CADM2: variants seen among roughly 807,000 people sequenced by gnomAD.
CADM2 encodes immunoglobulin superfamily member 4D.
Under a neutral mutation model 49.8 loss-of-function variants are expected in CADM2, and 12 were observed. That is an observed-to-expected ratio of 0.24 (90% CI 0.15 to 0.39). The LOEUF is 0.39. CADM2 is among the 10% of genes least tolerant of loss of function. The pLI is 1.00. For synonymous variants in CADM2, 214 were observed against 175.4 expected, an observed-to-expected ratio of 1.22 and a Z score of -1.74; for missense variants, 378 against 492.3, an observed-to-expected ratio of 0.77 and a Z score of 2.20.
chr3:85,237,324 A>G (rs2042430315), intron 1 of CADM2, among the ~76,000 whole-genome samples: 1 of 151,852 alleles, frequency 6.6e-6, no homozygotes, highest in South Asian at 2.1e-4. Flanking sequence ...TATTCAGATA[A>G]TATGCTGTTT....
intron 1 of CADM2, among the ~76,000 whole-genome samples, chr3:85,244,753 T>C (rs938663222): frequency 3.9e-5 from 6 of 152,168 alleles, no homozygotes; most frequent in Admixed American, 2.0e-4. Flanking sequence ...TATTTTTCTG[T>C]TGAATAAGTC....
chr3:85,844,701 A>G (rs750118535), intron 3 of CADM2, among the ~76,000 whole-genome samples: 1 of 152,196 alleles, frequency 6.6e-6, no homozygotes, highest in Non-Finnish European at 1.5e-5. Flanking sequence ...TAGTCTCCTA[A>G]TAATTCTTGA....
chr3:85,312,787 T>C (rs1485610148), intron 1 of CADM2, among the ~76,000 whole-genome samples: 6 of 152,190 alleles, frequency 3.9e-5, no homozygotes, highest in African/African-American at 1.4e-4. Flanking sequence ...ATAAAATGAA[T>C]TTTAAGAGTG....
intron 1 of CADM2, among the ~76,000 whole-genome samples, chr3:85,715,942 T>A (rs999230144): frequency 6.6e-6 from 1 of 152,228 alleles, no homozygotes; most frequent in Non-Finnish European, 1.5e-5. Flanking sequence ...TCTTTGCTAT[T>A]GTGAATAGTG....
rs372141107 is a variant in CADM2 at position 85,232,538 on chromosome 3, A to C, written c.61+272870A>C. On this transcript the variant is annotated intron_variant, in intron 1 of 9. Coordinates refer to ENST00000383699, the MANE Select transcript of CADM2 (RefSeq NM_001167675.2). ...CTATATCACAGTGGACTTGTATGAG[A>C]GTATGAAATATAAAAAGAACACTTC... is the stretch of plus-strand genomic sequence containing the variant. Among the ~76,000 whole-genome samples the C allele has an allele frequency of 1.8e-3, 276 of 152,300 alleles. 2 individuals are homozygous for C. The highest frequency in any genetic ancestry group is 6.4e-3 in the African/African-American group (265 of 41,570).
At chr3:85,168,051 CTTAT>C (rs955826988) in intron 1 of CADM2, among the ~76,000 whole-genome samples, 2 of 152,042 alleles carry the variant, frequency 1.3e-5, no homozygotes, top group East Asian at 3.9e-4. Flanking sequence ...TAACCATAAA[CTTAT>C]TTATTTATTT....
At chr3:85,909,419 T>A (rs1329103741) in intron 5 of CADM2, among the ~76,000 whole-genome samples, 1 of 150,480 alleles carries the variant, frequency 6.6e-6, no homozygotes, top group Non-Finnish European at 1.5e-5. Context: ...TATATATATA[T>A]AATGTCCAAT....
chr3:85,438,013 T>C (rs1471987877), intron 1 of CADM2, among the ~76,000 whole-genome samples: 1 of 152,100 alleles, frequency 6.6e-6, no homozygotes, highest in African/African-American at 2.4e-5. Flanking sequence ...ACAATTATTA[T>C]ATTTAAAATT....
At chr3:85,111,312 T>G (rs549098334) in intron 1 of CADM2, among the ~76,000 whole-genome samples, 1 of 151,986 alleles carries the variant, frequency 6.6e-6, no homozygotes, top group African/African-American at 2.4e-5. Flanking sequence ...AACTAACTTT[T>G]TAAAGTTAAA....
rs200610305 is a variant in CADM2 at position 85,347,622 on chromosome 3, TATATATAAATATATATAC to T, written c.62-378892_62-378875del. 0.016 allele frequency among the ~76,000 whole-genome samples: 798 copies of T among 51,448 alleles called. 9 individuals carry two copies. The East Asian group carries it at 0.18, about 12-fold the overall frequency. 33.8% of individuals were successfully genotyped at this position (51,448 alleles called of 152,430 possible). A position where few individuals can be genotyped will look rare whatever the true frequency, so the allele number is the denominator to read the frequency against. ...ACATATATATAAAAATATATATACA[TATATATAAATATATATAC>T]ATATATATATATTTTTTTTAAGATG... is the stretch of plus-strand genomic sequence containing the variant. On this transcript the variant is annotated intron_variant, in intron 1 of 9. Transcript: ENST00000383699.
At chr3:85,928,536 TCAGA>T (rs1307321890) in intron 6 of CADM2, among the ~76,000 whole-genome samples, 1 of 152,046 alleles carries the variant, frequency 6.6e-6, no homozygotes, top group Non-Finnish European at 1.5e-5. Flanking sequence ...CCAGAATATG[TCAGA>T]CAAAGGTAAA....
In CADM2 at chr3:85,961,595, A is replaced by C. The variant is rs1403998880; in HGVS notation, c.918A>C (p.Glu306Asp). ...CGGATAATGGTACATATCGATGTGA[A>C]GCCACAAACACCATTGGCCAAAGCA... is the stretch of plus-strand genomic sequence containing the variant. ...NKTDNGTYRC[E>D]ATNTIGQSSA... is the part of the protein sequence containing the mutation. The change falls in exon 8 of 10, where the codon GAA becomes GAC. Residue 306 changes from glutamate (E) to aspartate (D), a missense_variant. By Grantham distance (45) the Glu-to-Asp change is conservative. Coordinates refer to ENST00000383699, the MANE Select transcript of CADM2 (RefSeq NM_001167675.2). The C allele has an allele frequency of 2.5e-6, 4 of 1,606,728 alleles. No homozygotes were observed. Among genetic ancestry groups the C allele is most frequent in the Admixed American group, 3.3e-5 (2 of 59,780 alleles).
chr3:85,755,961 G>A (rs77529402), intron 2 of CADM2, among the ~76,000 whole-genome samples: 6 of 152,194 alleles, frequency 3.9e-5, no homozygotes, highest in African/African-American at 1.2e-4. Flanking sequence ...TGGGAGATGG[G>A]GCTGAAAGTT....
At position 85,319,486 on chromosome 3, in the gene CADM2, A is replaced by G. The variant is rs200305993; in HGVS notation, c.61+359818A>G. Among the ~76,000 whole-genome samples the G allele has an allele frequency of 1.9e-4, 29 of 152,330 alleles. No individual in the cohort carries two copies. The East Asian group carries it at 5.6e-3, about 29-fold the overall frequency. ...ATAAATCTTTCTACCATAAAGACACATGCACGTGTATATTCATTACAATGC... is the reference window on the plus strand; with the variant it reads ...ATAAATCTTTCTACCATAAAGACACGTGCACGTGTATATTCATTACAATGC... On this transcript the variant is annotated intron_variant, in intron 1 of 9. Transcript: ENST00000383699.
intron 1 of CADM2, among the ~76,000 whole-genome samples, chr3:85,621,234 A>G (rs2063968030): frequency 6.6e-6 from 1 of 152,162 alleles, no homozygotes; most frequent in East Asian, 1.9e-4. Flanking sequence ...TAGGTATTAA[A>G]AAAGCAACAT....
chr3:85,075,604 T>G (rs2036914135), intron 1 of CADM2, among the ~76,000 whole-genome samples: 1 of 152,198 alleles, frequency 6.6e-6, no homozygotes, highest in African/African-American at 2.4e-5. Flanking sequence ...AGTTTGTTTG[T>G]TCTTATTGTT....
intron 1 of CADM2, among the ~76,000 whole-genome samples, chr3:85,180,879 C>T (rs2040918846): frequency 6.6e-6 from 1 of 152,120 alleles, no homozygotes; most frequent in Non-Finnish European, 1.5e-5. Context: ...TTTTGGCTGA[C>T]ATAGAGACGT....
chr3:85,478,184 G>A (rs1542248), intron 1 of CADM2, among the ~76,000 whole-genome samples: 77,989 of 151,628 alleles, frequency 0.51, 23,000 homozygotes, highest in East Asian at 0.83. Flanking sequence ...AGCATAATAC[G>A]TGGTAGTCCA....
intron 1 of CADM2, among the ~76,000 whole-genome samples, chr3:85,286,703 A>G (rs1314767468): frequency 6.6e-6 from 1 of 152,132 alleles, no homozygotes; most frequent in Non-Finnish European, 1.5e-5. Context: ...ATATATTCCA[A>G]TCTATCATTT....
Sources: gnomAD v4.1 joint callset for allele counts (sites outside exome capture counted in the v4.1 genomes callset) on GRCh38, gnomAD v4.1.1 for gene constraint, MANE v1.5 for transcripts, NCBI Gene and HGNC (gene_info 2026-07-23, HGNC 2026-07-21) for gene names.